Variants in MAPT observed in about 807,000 individuals in gnomAD.
MAPT encodes microtubule-associated protein tau.
Under a neutral mutation model 67.9 loss-of-function variants are expected in MAPT, and 34 were observed. The ratio of observed to expected loss-of-function variants is 0.50; its 90% CI spans 0.38 to 0.67. MAPT has a LOEUF of 0.67. MAPT is among the 30% of genes least tolerant of loss of function. The pLI is 0.00. For synonymous variants in MAPT, 456 were observed against 464.5 expected, an observed-to-expected ratio of 0.98 and a Z score of 0.23; for missense variants, 881 against 1,115.2, an observed-to-expected ratio of 0.79 and a Z score of 2.99.
chr17:45,972,241 A>G, intron 3 of MAPT, among the ~76,000 whole-genome samples: 1 of 152,018 alleles, frequency 6.6e-6, no homozygotes, highest in East Asian at 1.9e-4. Flanking sequence ...CCCCTTCAAA[A>G]GCCCCCTCCT....
intron 3 of MAPT, 138 bp downstream of exon 3, chr17:45,972,083 G>C (rs1568257946): frequency 1.4e-6 from 1 of 732,064 alleles, no homozygotes; most frequent in African/African-American, 1.7e-5. Context: ...AGGACAGCGT[G>C]GTGGGAGCTG....
chr17:45,947,241 G>C (rs1424412062), intron 1 of MAPT, among the ~76,000 whole-genome samples: 1 of 151,918 alleles, frequency 6.6e-6, no homozygotes, highest in South Asian at 2.1e-4. Context: ...GGAGAGAGGA[G>C]GGGACACAAA....
intron 8 of MAPT, chr17:45,993,997 G>T: frequency 6.4e-7 from 1 of 1,554,744 alleles, no homozygotes; most frequent in African/African-American, 1.4e-5. Context: ...AGCCTACTTC[G>T]CTGGGAGCAG....
intron 2 of MAPT, among the ~76,000 whole-genome samples, chr17:45,965,607 G>T (rs2070987851): frequency 6.6e-6 from 1 of 151,784 alleles, no homozygotes; most frequent in African/African-American, 2.4e-5. Context: ...GAAGAGACGG[G>T]GTTTCACCCT....
chr17:45,997,764 CAAAAT>C (rs2074619345), intron 9 of MAPT, among the ~76,000 whole-genome samples: 2 of 151,858 alleles, frequency 1.3e-5, no homozygotes, highest in Non-Finnish European at 2.9e-5. Flanking sequence ...TGTCTCAAAA[CAAAAT>C]AAAACAAACC....
In MAPT at chr17:45,996,623, G is replaced by T; in HGVS notation, c.1957G>T (p.Gly653Cys). 1 of 1,613,952 alleles carries T rather than the reference G, an allele frequency of 6.2e-7. No homozygotes were observed. The highest frequency in any genetic ancestry group is 8.5e-7 in the Non-Finnish European group (1 of 1,179,944). Residue 653 changes from glycine to cysteine, a missense_variant, in exon 9 of 13, where the codon GGC becomes TGC. Physicochemically the swap from Gly to Cys is radical, Grantham distance 159. This residue lies in a region of MAPT where 45 missense variants were observed against 43.2 expected (regional missense o/e 1.04). Transcript: ENST00000262410. The surrounding 1 kb of genome is among the most constrained non-coding windows in gnomAD (Gnocchi z 4.5). ...CCTGAAGAATGTCAAGTCCAAGATC[G>T]GCTCCACTGAGAACCTGAAGCACCA... ...PDLKNVKSKI[G>C]STENLKHQPG...
At chr17:45,983,959 C>A in intron 5 of MAPT, 29 bp downstream of exon 5, 1 of 1,516,978 alleles carries the variant, frequency 6.6e-7, no homozygotes, top group Middle Eastern at 1.8e-4. Context: ...TTCGCTCCTT[C>A]CCTGGGGACC....
intron 2 of MAPT, among the ~76,000 whole-genome samples, chr17:45,967,590 T>C (rs193178151): frequency 1.3e-5 from 2 of 152,268 alleles, no homozygotes; most frequent in East Asian, 1.9e-4. Context: ...CAGGGCCAGG[T>C]GTCCAGGGAC....
intron 1 of MAPT, among the ~76,000 whole-genome samples, chr17:45,954,516 G>T (rs1186158300): frequency 6.6e-6 from 1 of 152,126 alleles, no homozygotes; most frequent in African/African-American, 2.4e-5. Context: ...CTAGCCACTC[G>T]GGAGACTGAG....
Position 46,028,273 on chromosome 17 carries a change from T to C in MAPT, c.*4102T>C, listed in dbSNP as rs1054347742. On this transcript the variant is annotated 3_prime_UTR_variant, in exon 13 of 13. Coordinates refer to ENST00000262410, the MANE Select transcript of MAPT (RefSeq NM_001377265.1). ...ATAGTGTATTGTGTGTTTTAACAAA[T>C]GATTTACACTGACTGTTGCTGTAAA... 1.3e-5 allele frequency: 2 copies of C among 152,592 alleles called. No homozygotes were observed. Among genetic ancestry groups the C allele is most frequent in the Non-Finnish European group, 2.9e-5 (2 of 68,012 alleles). 9.5% of individuals were successfully genotyped at this position (152,592 alleles called of 1,614,324 possible).
intron 1 of MAPT, among the ~76,000 whole-genome samples, chr17:45,958,942 G>A (rs1407659015): frequency 6.6e-6 from 1 of 151,594 alleles, no homozygotes; most frequent in African/African-American, 2.4e-5. Flanking sequence ...ACATGCCTGT[G>A]ATCCCAGCTA....
chr17:45,904,359 TATATATTA>T (rs2064135877), intron 1 of MAPT, among the ~76,000 whole-genome samples: 1 of 88,852 alleles, frequency 1.1e-5, no homozygotes, highest in Non-Finnish European at 2.3e-5. Flanking sequence ...ATATATATTA[TATATATTA>T]AATATATTTT....
intron 1 of MAPT, among the ~76,000 whole-genome samples, chr17:45,962,103 C>T (rs2070492645): frequency 6.6e-6 from 1 of 152,164 alleles, no homozygotes; most frequent in Non-Finnish European, 1.5e-5. Flanking sequence ...ATATGAACTG[C>T]TGCGGTGTTG....
chr17:46,009,782 A>G (rs1481792249), intron 9 of MAPT, among the ~76,000 whole-genome samples: 1 of 152,222 alleles, frequency 6.6e-6, no homozygotes, highest in Non-Finnish European at 1.5e-5. Flanking sequence ...TTCTAATTCT[A>G]GGTCAGGGCT....
chr17:45,937,137 A>G lies in MAPT; in HGVS notation c.-17-25184A>G, dbSNP rs968929092. ...TCCCCTCCAGCACAGGCCAATGTGC[A>G]CTGCTCTCCTATCTTTGTACCCCCA... On this transcript the variant is annotated intron_variant, in intron 1 of 12. Transcript: ENST00000262410. Among the ~76,000 whole-genome samples, 13 of 152,230 alleles carry G rather than the reference A, an allele frequency of 8.5e-5. No homozygotes were observed. The East Asian group carries it at 2.3e-3, about 27-fold the overall frequency.
chr17:45,993,211 C>T (rs2074215712), intron 8 of MAPT, among the ~76,000 whole-genome samples: 1 of 152,232 alleles, frequency 6.6e-6, no homozygotes, highest in African/African-American at 2.4e-5. Context: ...CGCACACATG[C>T]CGTGCAGTGG....
At chr17:45,993,948 C>G (rs768343783) in intron 8 of MAPT, 4 of 1,576,628 alleles carry the variant, frequency 2.5e-6, no homozygotes, top group Non-Finnish European at 3.4e-6. Flanking sequence ...CAGAGAAGAC[C>G]ACCCCCTGCA....
At chr17:45,963,805 G>A (rs1214446977) in intron 2 of MAPT, among the ~76,000 whole-genome samples, 4 of 152,120 alleles carry the variant, frequency 2.6e-5, no homozygotes, top group Admixed American at 1.3e-4. Flanking sequence ...CTCGCACAGG[G>A]AGTGGCCATC....
chr17:45,978,698 G>A lies in MAPT; in HGVS notation c.286+258G>A, dbSNP rs2072640065. ...TAGCCTTGTCCAGCCTGGGAGTTGAGAATGAATGTCTAACAGAAACTCTAG... is the reference window on the plus strand; with the variant it reads ...TAGCCTTGTCCAGCCTGGGAGTTGAAAATGAATGTCTAACAGAAACTCTAG... On this transcript the variant is annotated intron_variant, in intron 4 of 12. Transcript: ENST00000262410. The A allele has an allele frequency of 5.9e-6, 3 of 506,182 alleles. No homozygotes were observed. In the Admixed American group the frequency reaches 1.0e-4, roughly 18 times the overall value. The allele number at this position is 506,182 out of a possible 1,614,324, so 31.4% of individuals were successfully genotyped here.
Sources: allele counts gnomAD v4.1 joint callset (sites outside exome capture counted in the v4.1 genomes callset), GRCh38; gene constraint gnomAD v4.1.1; regional missense constraint gnomAD v4.1.1; non-coding constraint Gnocchi (gnomAD v3.1); transcripts MANE v1.5; gene names NCBI Gene and HGNC (gene_info 2026-07-23, HGNC 2026-07-21).